The following ANKS1A variants were observed in gnomAD, a reference collection of about 807,000 sequenced individuals.
The protein encoded by ANKS1A is ankyrin repeat and sterile alpha motif domain containing 1A.
In ANKS1A, 55 loss-of-function variants were observed where a neutral mutation model predicts 120.3. The ratio of observed to expected loss-of-function variants is 0.46; its 90% confidence interval spans 0.37 to 0.57. The LOEUF (loss-of-function observed/expected upper bound fraction) is 0.57, where lower values mean the gene tolerates loss of function less well. Ranked by LOEUF, ANKS1A falls within the 20% of genes least tolerant of loss-of-function variation. The pLI, the probability that ANKS1A is intolerant of heterozygous loss-of-function variation, is 0.00. For missense variants in ANKS1A, 1,123 were observed against 1,480.3 expected, an observed-to-expected ratio of 0.76 and a Z score of 3.96; for synonymous variants, 590 against 604.7, an observed-to-expected ratio of 0.98 and a Z score of 0.36.
At chr6:34,969,102 G>A (rs991329572) in intron 2 of ANKS1A, among the ~76,000 whole-genome samples, 1 of 152,086 alleles carries the variant, frequency 6.6e-6, no homozygotes, top group African/African-American at 2.4e-5. Flanking sequence ...GATTTACAGT[G>A]GGGATTTTCT....
At position 35,084,264 on chromosome 6, in the gene ANKS1A, TG is replaced by T. The variant is rs776809336; in HGVS notation, c.3132+10del. ...TGTTCAGCACCGTGGATGTGGTGGG[TG>T]GGGTCCTGGGGCCGGGTGGGGCAGG... On this transcript the variant is annotated splice_region_variant and intron_variant, in intron 21 of 23. Coordinates refer to ENST00000360359, the MANE Select transcript of ANKS1A (RefSeq NM_015245.3). The surrounding 1 kb of genome is among the most constrained non-coding windows in gnomAD (Gnocchi z 4.8). 6.2e-7 allele frequency: 1 copy of T among 1,613,524 alleles called. No individual in the cohort carries two copies. The highest frequency in any genetic ancestry group is 8.5e-7 in the Non-Finnish European group (1 of 1,179,878).
chr6:35,023,664 G>A, intron 11 of ANKS1A: 1 of 436,388 alleles, frequency 2.3e-6, no homozygotes, highest in Middle Eastern at 3.8e-4. Context: ...AGTGGTAGCT[G>A]TTGGATCAGG....
intron 1 of ANKS1A, among the ~76,000 whole-genome samples, chr6:34,909,863 T>C (rs1477682445): frequency 6.6e-6 from 1 of 152,188 alleles, no homozygotes; most frequent in East Asian, 1.9e-4. Flanking sequence ...GGAGTGTGTG[T>C]ACAGTGTGGT....
chr6:34,953,000 A>G (rs1770160926), intron 1 of ANKS1A, among the ~76,000 whole-genome samples: 1 of 152,196 alleles, frequency 6.6e-6, no homozygotes, highest in African/African-American at 2.4e-5. Context: ...GTGAGCCACC[A>G]TGGCCCAGCC....
chr6:35,070,400 A>C (rs192271979), intron 13 of ANKS1A, among the ~76,000 whole-genome samples: 2 of 151,508 alleles, frequency 1.3e-5, no homozygotes, highest in Admixed American at 1.3e-4. Flanking sequence ...AATAGAAAAC[A>C]CTTACCATCT....
At chr6:35,002,877 G>A (rs1200953571) in intron 10 of ANKS1A, among the ~76,000 whole-genome samples, 1 of 151,368 alleles carries the variant, frequency 6.6e-6, no homozygotes, top group Non-Finnish European at 1.5e-5. Flanking sequence ...GTTACGTGGT[G>A]GAGTTCAAAC....
chr6:35,048,754 T>C (rs919012728), intron 11 of ANKS1A, among the ~76,000 whole-genome samples: 4 of 152,110 alleles, frequency 2.6e-5, no homozygotes, highest in African/African-American at 9.7e-5. Flanking sequence ...CTGTCAGCAG[T>C]CTTTAGGGTT....
At chr6:34,996,087 A>G (rs774011227) in intron 10 of ANKS1A, among the ~76,000 whole-genome samples, 4 of 152,228 alleles carry the variant, frequency 2.6e-5, no homozygotes, top group Non-Finnish European at 5.9e-5. Context: ...TGCTATATAT[A>G]TCATCCCTAG....
At chr6:34,972,761 T>C in intron 3 of ANKS1A, 1 of 355,286 alleles carries the variant, frequency 2.8e-6, no homozygotes, top group Non-Finnish European at 3.9e-6. Context: ...CTGACTGTTG[T>C]CTGCTTCAGT....
chr6:34,919,576 T>A (rs770835105), intron 1 of ANKS1A, among the ~76,000 whole-genome samples: 5 of 152,158 alleles, frequency 3.3e-5, no homozygotes, highest in Non-Finnish European at 7.4e-5. Context: ...TTTGGGCTCA[T>A]TTTAGAAAAT....
intron 7 of ANKS1A, among the ~76,000 whole-genome samples, chr6:34,984,498 TC>T (rs1170500596): frequency 6.6e-6 from 1 of 152,196 alleles, no homozygotes; most frequent in Non-Finnish European, 1.5e-5. Context: ...GATTAGTAGT[TC>T]ACTAACCTCT....
intron 1 of ANKS1A, among the ~76,000 whole-genome samples, chr6:34,938,641 C>T (rs557647822): frequency 3.0e-4 from 46 of 152,200 alleles, no homozygotes; most frequent in Non-Finnish European, 5.1e-4. Context: ...ATGGTCCCCA[C>T]GTTGCTTTTG....
intron 13 of ANKS1A, among the ~76,000 whole-genome samples, chr6:35,069,717 A>ATT (rs34879318): frequency 1.0e-4 from 15 of 149,948 alleles, no homozygotes; most frequent in Non-Finnish European, 3.0e-5. Flanking sequence ...ATATATATAT[A>ATT]TTTTTTTTTT....
chr6:34,919,377 C>T (rs1246294503), intron 1 of ANKS1A, among the ~76,000 whole-genome samples: 1 of 152,192 alleles, frequency 6.6e-6, no homozygotes, highest in Non-Finnish European at 1.5e-5. Flanking sequence ...GTCTGGCTCA[C>T]TTCTCTTCCC....
Position 35,060,351 on chromosome 6 carries a change from G to C in ANKS1A, c.2184+98G>C, listed in dbSNP as rs935227491. 1.9e-6 allele frequency: 2 copies of C among 1,043,824 alleles called. No homozygotes were observed. Among genetic ancestry groups the C allele is most frequent in the African/African-American group, 3.2e-5 (2 of 62,938 alleles). 64.7% of individuals were successfully genotyped at this position (1,043,824 alleles called of 1,614,324 possible). ...GCCCCACAGGAGTCTGCAACAGTAC[G>C]TAGACCCAAATCCCAGGGAAAGCTC... On this transcript the variant is annotated intron_variant, in intron 13 of 23. Coordinates refer to ENST00000360359, the MANE Select transcript of ANKS1A (RefSeq NM_015245.3). The surrounding 1 kb of genome is among the most constrained non-coding windows in gnomAD (Gnocchi z 4.5).
At chr6:34,918,363 G>C (rs1768273766) in intron 1 of ANKS1A, among the ~76,000 whole-genome samples, 1 of 152,114 alleles carries the variant, frequency 6.6e-6, no homozygotes, top group African/African-American at 2.4e-5. Context: ...TCCAAAATGG[G>C]GGTGGTAATA....
intron 1 of ANKS1A, among the ~76,000 whole-genome samples, chr6:34,948,095 T>TA (rs1244592999): frequency 6.6e-6 from 1 of 152,080 alleles, no homozygotes; most frequent in African/African-American, 2.4e-5. Context: ...AGGTTTGTTA[T>TA]ATATGTATAC....
chr6:35,006,520 C>T (rs543333505), intron 10 of ANKS1A, among the ~76,000 whole-genome samples: 3 of 151,146 alleles, frequency 2.0e-5, no homozygotes, highest in South Asian at 2.1e-4. Context: ...TTTGGGAGGC[C>T]GAGGCGGGTG....
intron 13 of ANKS1A, among the ~76,000 whole-genome samples, chr6:35,062,125 G>C (rs987406878): frequency 2.0e-5 from 3 of 152,128 alleles, no homozygotes; most frequent in Admixed American, 1.3e-4. Context: ...TCATGCACAG[G>C]GCAGGGCCTC....
Sources: gnomAD v4.1 joint callset for allele counts (sites outside exome capture counted in the v4.1 genomes callset) on GRCh38, gnomAD v4.1.1 for gene constraint, Gnocchi (gnomAD v3.1) non-coding constraint, MANE v1.5 for transcripts, NCBI Gene and HGNC (gene_info 2026-07-23, HGNC 2026-07-21) for gene names.